Variants in TMEM132D observed in about 807,000 individuals in gnomAD.
The protein encoded by TMEM132D is transmembrane protein 132D.
A neutral mutation model predicts 62.3 loss-of-function variants in TMEM132D; 21 were observed. That is an observed-to-expected ratio of 0.34 (90% CI 0.24 to 0.49). The LOEUF is 0.49. Ranked by LOEUF, TMEM132D falls within the 20% of genes least tolerant of loss-of-function variation. The pLI, the probability that TMEM132D is intolerant of heterozygous loss-of-function variation, is 0.99. For synonymous variants in TMEM132D, 621 were observed against 575.6 expected (o/e 1.08, Z -1.13); for missense variants, 1,346 against 1,402.8 (o/e 0.96, Z 0.65).
At chr12:129,319,064 C>A (rs1868587508) in intron 4 of TMEM132D, among the ~76,000 whole-genome samples, 1 of 152,162 alleles carries the variant, frequency 6.6e-6, no homozygotes, top group Non-Finnish European at 1.5e-5. Context: ...AAAAAAAGGT[C>A]TTGGTTCTTC....
intron 3 of TMEM132D, among the ~76,000 whole-genome samples, chr12:129,478,876 T>C (rs1874347724): frequency 6.6e-6 from 1 of 152,154 alleles, no homozygotes; most frequent in Non-Finnish European, 1.5e-5. Flanking sequence ...GTATGTGTAT[T>C]TGGCATTTTG....
chr12:129,075,114 C>T, intron 8 of TMEM132D, 55 bp from the exon 9 acceptor site: 4 of 1,474,254 alleles, frequency 2.7e-6, no homozygotes, highest in Non-Finnish European at 3.7e-6. Context: ...CATTGAGCCC[C>T]AAGTCTTAGT....
intron 5 of TMEM132D, among the ~76,000 whole-genome samples, chr12:129,151,505 T>C (rs1877070414): frequency 6.6e-6 from 1 of 152,196 alleles, no homozygotes; most frequent in African/African-American, 2.4e-5. Context: ...AGTTCCAACC[T>C]GCCATCGTCA....
At chr12:129,543,950 T>C (rs889607331) in intron 2 of TMEM132D, among the ~76,000 whole-genome samples, 1 of 152,192 alleles carries the variant, frequency 6.6e-6, no homozygotes, top group Non-Finnish European at 1.5e-5. Context: ...TTCAGGAAAC[T>C]GCCATGTCCA....
At chr12:129,837,084 C>T (rs748341215) in intron 1 of TMEM132D, among the ~76,000 whole-genome samples, 1 of 152,128 alleles carries the variant, frequency 6.6e-6, no homozygotes, top group Non-Finnish European at 1.5e-5. Context: ...CGATAAACAG[C>T]GCTGTATGTG....
Position 129,167,898 on chromosome 12 carries a change from G to T in TMEM132D, c.1443+41622C>A, listed in dbSNP as rs571660341. Among the ~76,000 whole-genome samples the T allele has an allele frequency of 1.3e-5, 2 of 152,182 alleles. 1 individual carries two copies. Among genetic ancestry groups the T allele is most frequent in the Admixed American group, 1.3e-4 (2 of 15,288 alleles). The stretch of plus-strand genomic sequence containing the variant: ...TAAAGGAGGGCTGCACTGAGCATAA[G>T]GACTGGTTCACTGTCACCATCGAGA... On this transcript the variant is annotated intron_variant, in intron 5 of 8. Coordinates refer to ENST00000422113, the MANE Select transcript of TMEM132D (RefSeq NM_133448.3).
At chr12:129,325,943 G>A (rs1321374983) in intron 4 of TMEM132D, among the ~76,000 whole-genome samples, 2 of 152,198 alleles carry the variant, frequency 1.3e-5, no homozygotes, top group African/African-American at 4.8e-5. Context: ...AAGAATGTGA[G>A]GAACATTAAG....
intron 2 of TMEM132D, among the ~76,000 whole-genome samples, chr12:129,588,911 T>A (rs577927161): frequency 6.6e-6 from 1 of 152,184 alleles, no homozygotes; most frequent in Non-Finnish European, 1.5e-5. Context: ...GTACCATTCC[T>A]GAAAGCATTA....
chr12:129,811,408 T>C (rs1293274245), intron 1 of TMEM132D, among the ~76,000 whole-genome samples: 3 of 151,636 alleles, frequency 2.0e-5, no homozygotes, highest in South Asian at 2.1e-4. Context: ...CTTGAAGTCC[T>C]GGCTTCCAGT....
chr12:129,696,830 A>T (rs958066300), intron 2 of TMEM132D, among the ~76,000 whole-genome samples: 1 of 152,188 alleles, frequency 6.6e-6, no homozygotes, highest in Non-Finnish European at 1.5e-5. Context: ...CTGGGATTGA[A>T]TGAGATCGTT....
chr12:129,087,493 G>A (rs1333430412), intron 5 of TMEM132D, among the ~76,000 whole-genome samples: 1 of 150,788 alleles, frequency 6.6e-6, no homozygotes, highest in African/African-American at 2.4e-5. Context: ...GGAGTTGACT[G>A]TCCTTATAAG....
In TMEM132D at chr12:129,074,668, C is replaced by CT; in HGVS notation, c.2506dup (p.Ser836LysfsTer39). ...ACTGCCATAGTACTGTCCTTCCTGACTCCCCCATTCCTGCGAGGGTTTTTT... is the reference window on the plus strand; with the variant it reads ...ACTGCCATAGTACTGTCCTTCCTGACTTCCCCCATTCCTGCGAGGGTTTTTT... On this transcript the variant is annotated frameshift_variant, in exon 9 of 9. Transcript: ENST00000422113. LOFTEE classifies it low-confidence loss of function (END_TRUNC). 1 of 1,614,156 alleles carries CT rather than the reference C, an allele frequency of 6.2e-7. No homozygotes were observed.
At chr12:129,305,074 G>A (rs554138290) in intron 4 of TMEM132D, among the ~76,000 whole-genome samples, 17 of 152,182 alleles carry the variant, frequency 1.1e-4, no homozygotes, top group African/African-American at 4.1e-4. Context: ...ATTATTACTT[G>A]GGGAATGCCA....
chr12:129,103,714 G>A (rs140044231), intron 5 of TMEM132D, among the ~76,000 whole-genome samples: 43 of 152,162 alleles, frequency 2.8e-4, no homozygotes, highest in African/African-American at 8.9e-4. Context: ...AAATATCTCC[G>A]TACAAAATCA....
At chr12:129,803,047 G>A (rs1407498864) in intron 1 of TMEM132D, among the ~76,000 whole-genome samples, 2 of 150,930 alleles carry the variant, frequency 1.3e-5, no homozygotes. Context: ...AGCAAGTCCT[G>A]AGTGACCTAC....
intron 3 of TMEM132D, among the ~76,000 whole-genome samples, chr12:129,442,241 A>G (rs1345231380): frequency 6.6e-6 from 1 of 152,244 alleles, no homozygotes; most frequent in African/African-American, 2.4e-5. Context: ...GTTTGCATTG[A>G]CACATTCTGT....
intron 1 of TMEM132D, among the ~76,000 whole-genome samples, chr12:129,764,379 G>A (rs1451903): frequency 0.95 from 144,165 of 152,286 alleles, 68,517 homozygotes; most frequent in Non-Finnish European, 1. Context: ...AAGAAAGGTG[G>A]AAAGCAAAAT....
chr12:129,675,528 C>A (rs574755331), intron 2 of TMEM132D, among the ~76,000 whole-genome samples: 1 of 152,252 alleles, frequency 6.6e-6, no homozygotes, highest in African/African-American at 2.4e-5. Context: ...TATCCCAGAA[C>A]TTAAAATTAA....
chr12:129,679,453 G>A (rs542891887), intron 2 of TMEM132D, among the ~76,000 whole-genome samples: 113 of 151,950 alleles, frequency 7.4e-4, no homozygotes, highest in African/African-American at 2.4e-3. Flanking sequence ...ACTTTTATTC[G>A]TAAATATATT....
Sources: gnomAD v4.1 joint callset for allele counts (sites outside exome capture counted in the v4.1 genomes callset) on GRCh38, gnomAD v4.1.1 for gene constraint, MANE v1.5 for transcripts, NCBI Gene and HGNC (gene_info 2026-07-23, HGNC 2026-07-21) for gene names.